The following PDE7B variants were observed in gnomAD, a reference collection of about 807,000 sequenced individuals.
The protein encoded by PDE7B is 3',5'-cyclic-AMP phosphodiesterase 7B.
A neutral mutation model predicts 56.2 loss-of-function variants in PDE7B; 29 were observed. That is an observed-to-expected ratio of 0.52 (90% confidence interval 0.38 to 0.70). PDE7B has a LOEUF of 0.70. Ranked by LOEUF, PDE7B falls within the 30% of genes least tolerant of loss-of-function variation. The probability of loss-of-function intolerance (pLI) is 0.00; values close to 1 mark genes in which losing one functional copy is unlikely to be tolerated. For missense variants in PDE7B, 490 were observed against 565.0 expected (o/e 0.87, Z 1.35); for synonymous variants, 197 against 196.9 (o/e 1.00, Z 0.00).
intron 2 of PDE7B, among the ~76,000 whole-genome samples, chr6:135,969,567 A>G (rs1190046613): frequency 6.6e-6 from 1 of 152,190 alleles, no homozygotes; most frequent in Non-Finnish European, 1.5e-5. Context: ...CTGGCTAGCC[A>G]TATACAGAAA....
At chr6:136,057,515 T>A (rs1776758721) in intron 2 of PDE7B, among the ~76,000 whole-genome samples, 1 of 152,026 alleles carries the variant, frequency 6.6e-6, no homozygotes, top group South Asian at 2.1e-4. Flanking sequence ...AAAATTTGGT[T>A]GTGTCAAATT....
At chr6:136,085,779 C>T (rs1777281858) in intron 2 of PDE7B, among the ~76,000 whole-genome samples, 1 of 152,194 alleles carries the variant, frequency 6.6e-6, no homozygotes, top group South Asian at 2.1e-4. Context: ...GAAGTTATTG[C>T]CCCCACATTA....
At chr6:135,958,707 A>G (rs1774844153) in intron 2 of PDE7B, among the ~76,000 whole-genome samples, 1 of 152,176 alleles carries the variant, frequency 6.6e-6, no homozygotes, top group African/African-American at 2.4e-5. Context: ...CTATCTTTGA[A>G]CTGTAGCATT....
At chr6:135,902,850 G>A (rs981187055) in intron 1 of PDE7B, among the ~76,000 whole-genome samples, 7 of 152,000 alleles carry the variant, frequency 4.6e-5, no homozygotes, top group African/African-American at 1.7e-4. Flanking sequence ...GTATATAATC[G>A]GCACATCCTG....
At chr6:135,888,973 C>G (rs1033094572) in intron 1 of PDE7B, among the ~76,000 whole-genome samples, 2 of 152,086 alleles carry the variant, frequency 1.3e-5, no homozygotes, top group East Asian at 1.9e-4. Context: ...TACTAAATAT[C>G]TAGTCTAGAT....
intron 1 of PDE7B, among the ~76,000 whole-genome samples, chr6:135,903,062 T>A (rs887779993): frequency 1.1e-4 from 16 of 152,304 alleles, no homozygotes; most frequent in African/African-American, 3.1e-4. Flanking sequence ...TTTATTCTTC[T>A]AATCAAAAAG....
chr6:135,942,562 C>T (rs199709900), intron 1 of PDE7B, among the ~76,000 whole-genome samples: 12 of 151,944 alleles, frequency 7.9e-5, no homozygotes, highest in East Asian at 5.8e-4. Flanking sequence ...CTATAGTTGC[C>T]GTGTTGTACA....
intron 3 of PDE7B, among the ~76,000 whole-genome samples, chr6:136,141,994 T>C (rs1254896578): frequency 6.6e-6 from 1 of 152,222 alleles, no homozygotes; most frequent in Non-Finnish European, 1.5e-5. Flanking sequence ...TGCCTTCTGC[T>C]AGCTTTTGCG....
intron 2 of PDE7B, among the ~76,000 whole-genome samples, chr6:136,035,993 A>T (rs763847958): frequency 1.4e-4 from 22 of 152,246 alleles, no homozygotes; most frequent in Non-Finnish European, 3.1e-4. Context: ...AAATAAAAAT[A>T]GTCAAACACT....
intron 10 of PDE7B, among the ~76,000 whole-genome samples, chr6:136,180,592 G>A (rs1779047682): frequency 2.0e-5 from 3 of 152,184 alleles, no homozygotes; most frequent in Admixed American, 1.3e-4. Context: ...AGCAGGTGGT[G>A]GTTAAAAGAG....
At chr6:135,887,144 G>T (rs1263911801) in intron 1 of PDE7B, among the ~76,000 whole-genome samples, 1 of 151,992 alleles carries the variant, frequency 6.6e-6, no homozygotes, top group Non-Finnish European at 1.5e-5. Context: ...TCATATGTTT[G>T]TTGGCTGTTC....
chr6:135,878,588 T>C (rs1284935772), intron 1 of PDE7B, among the ~76,000 whole-genome samples: 1 of 152,240 alleles, frequency 6.6e-6, no homozygotes, highest in African/African-American at 2.4e-5. Flanking sequence ...TATGCTTGTA[T>C]ATCTTTGGTA....
intron 3 of PDE7B, among the ~76,000 whole-genome samples, chr6:136,139,910 T>A (rs1778289031): frequency 1.3e-5 from 2 of 152,196 alleles, no homozygotes; most frequent in South Asian, 4.2e-4. Flanking sequence ...TTTTCTCCCA[T>A]TCTGTAGGTT....
intron 2 of PDE7B, chr6:136,034,149 T>G (rs1242608924): frequency 1.3e-5 from 2 of 152,230 alleles, no homozygotes; most frequent in Non-Finnish European, 2.9e-5. Flanking sequence ...TCCATTTTTT[T>G]GAAAGGTACA....
chr6:136,129,899 A>G (rs952561289), intron 3 of PDE7B, among the ~76,000 whole-genome samples: 1 of 152,184 alleles, frequency 6.6e-6, no homozygotes, highest in Non-Finnish European at 1.5e-5. Flanking sequence ...CAGTGCCAAC[A>G]GTGCACATCC....
chr6:136,182,777 A>C (rs772456940), intron 11 of PDE7B, among the ~76,000 whole-genome samples: 1 of 152,300 alleles, frequency 6.6e-6, no homozygotes, highest in Non-Finnish European at 1.5e-5. Flanking sequence ...GTAACCTATA[A>C]GATCTCTTTT....
At chr6:136,181,193 T>C in intron 10 of PDE7B, 34 bp from the exon 11 acceptor site, 1 of 1,500,284 alleles carries the variant, frequency 6.7e-7, no homozygotes, top group East Asian at 2.3e-5. Flanking sequence ...AAGAACATCC[T>C]CTCACAATTT....
chr6:136,060,965 T>G (rs1397856683), intron 2 of PDE7B, among the ~76,000 whole-genome samples: 2 of 152,218 alleles, frequency 1.3e-5, no homozygotes, highest in African/African-American at 2.4e-5. Flanking sequence ...TCTGGAACAT[T>G]GTGCCATGCA....
At chr6:135,854,496 T>A (rs2298118) in intron 1 of PDE7B, among the ~76,000 whole-genome samples, 29,778 of 152,120 alleles carry the variant, frequency 0.2, 5,192 homozygotes, top group African/African-American at 0.47. Context: ...ATCTACAGCT[T>A]AGTAGGTATC....
Sources: allele counts gnomAD v4.1 joint callset (sites outside exome capture counted in the v4.1 genomes callset), GRCh38; gene constraint gnomAD v4.1.1; transcripts MANE v1.5; gene names NCBI Gene and HGNC (gene_info 2026-07-23, HGNC 2026-07-21).